Variants in CAST observed in about 807,000 individuals in gnomAD.
CAST encodes MIR583 host.
CAST carries 76 observed loss-of-function variants against 119.6 expected under a neutral mutation model. The observed-to-expected ratio is 0.64, with a 90% CI of 0.53 to 0.77. The LOEUF is 0.77. Ranked by LOEUF, CAST falls within the 30% of genes least tolerant of loss-of-function variation. The pLI, the probability that CAST is intolerant of heterozygous loss-of-function variation, is 0.00. For missense variants in CAST, 953 were observed against 946.5 expected (o/e 1.01, Z -0.09); for synonymous variants, 319 against 331.6 (o/e 0.96, Z 0.41).
chr5:96,205,508 T>C, the CAST span, among the ~76,000 whole-genome samples: 1 of 152,022 alleles, frequency 6.6e-6, no homozygotes, highest in South Asian at 2.1e-4. Flanking sequence ...CTTGTTCCCT[T>C]CTTTGTGTCT....
At chr5:95,992,144 T>G in the CAST span, among the ~76,000 whole-genome samples, 575 of 152,260 alleles carry the variant, frequency 3.8e-3, 5 homozygotes, top group African/African-American at 0.013. Context: ...ATATGGATCT[T>G]GACGAGAAAT....
chr5:96,224,417 G>C, the CAST span, among the ~76,000 whole-genome samples: 1 of 152,108 alleles, frequency 6.6e-6, no homozygotes, highest in African/African-American at 2.4e-5. Flanking sequence ...TAAGCATCTT[G>C]ACTTGGGGAG....
chr5:96,621,600 A>G (rs1461446286), intron 1 of CAST, among the ~76,000 whole-genome samples: 2 of 152,226 alleles, frequency 1.3e-5, no homozygotes, highest in African/African-American at 4.8e-5. Flanking sequence ...CAGTATCATG[A>G]GAACAGCATG....
intron 1 of CAST, among the ~76,000 whole-genome samples, chr5:96,561,121 A>G (rs1253442924): frequency 6.7e-6 from 1 of 148,344 alleles, no homozygotes; most frequent in Non-Finnish European, 1.5e-5. Flanking sequence ...CAAACACCAC[A>G]TGTTCTCACT....
chr5:96,069,655 C>CTTTTTT, the CAST span, among the ~76,000 whole-genome samples: 69 of 78,404 alleles, frequency 8.8e-4, no homozygotes, highest in East Asian at 2.8e-3. Context: ...GGTAATTAAA[C>CTTTTTT]TTTTTTTTTT....
rs1773070458 is a variant in CAST, at chr5:96,773,154, T to C, written c.*538T>C. On this transcript the variant is annotated 3_prime_UTR_variant, in exon 32 of 32. Coordinates refer to ENST00000675179, the MANE Select transcript of CAST (RefSeq NM_001750.7). ...ATGTTTATAAGTCAAACATAAGATA[T>C]TGTACATTGGGCACATATCTCCTCT... The C allele has an allele frequency of 6.5e-6, 1 of 153,870 alleles. No individual in the cohort carries two copies. Among genetic ancestry groups the C allele is most frequent in the Non-Finnish European group, 1.5e-5 (1 of 68,026 alleles). The allele number at this position is 153,870 out of a possible 1,614,324, so 9.5% of individuals were successfully genotyped here.
At chr5:96,133,325 T>TC in the CAST span, among the ~76,000 whole-genome samples, 577 of 152,000 alleles carry the variant, frequency 3.8e-3, 2 homozygotes, top group African/African-American at 5.5e-3. Flanking sequence ...ACATGAGTTT[T>TC]CCTAGAAATG....
At chr5:96,494,370 A>T in the CAST span, among the ~76,000 whole-genome samples, 1 of 152,198 alleles carries the variant, frequency 6.6e-6, no homozygotes, top group Non-Finnish European at 1.5e-5. Context: ...TTTCCTGTAA[A>T]TGATAGTAAA....
At chr5:96,692,242 G>A (rs541622848) in intron 2 of CAST, among the ~76,000 whole-genome samples, 3 of 152,230 alleles carry the variant, frequency 2.0e-5, no homozygotes, top group East Asian at 3.9e-4. Flanking sequence ...TGATGCTGAT[G>A]TTAAGGAGTA....
chr5:96,413,982 A>AG, the CAST span, among the ~76,000 whole-genome samples: 24 of 148,076 alleles, frequency 1.6e-4, no homozygotes, highest in Admixed American at 8.1e-4. Flanking sequence ...AAAAAAAAAA[A>AG]AAAAAAATTA....
chr5:95,964,604 T>C, the CAST span, among the ~76,000 whole-genome samples: 1 of 152,038 alleles, frequency 6.6e-6, no homozygotes. Context: ...CTCTTGAGGG[T>C]TGAGTAGATT....
chr5:96,670,070 C>G (rs1195865957), intron 1 of CAST, among the ~76,000 whole-genome samples: 1 of 152,150 alleles, frequency 6.6e-6, no homozygotes, highest in Admixed American at 6.5e-5. Flanking sequence ...AAGCCTTTCT[C>G]AGTGTGTGTG....
chr5:96,147,565 T>C, the CAST span, among the ~76,000 whole-genome samples: 1 of 152,034 alleles, frequency 6.6e-6, no homozygotes, highest in African/African-American at 2.4e-5. Flanking sequence ...ATCGCACCAC[T>C]GCACTCCAGC....
chr5:96,662,270 C>G, upstream of CAST: 8 of 955,316 alleles, frequency 8.4e-6, no homozygotes, highest in Non-Finnish European at 1.1e-5. Flanking sequence ...CCGGCGCAGA[C>G]CTGGGGTGGG....
chr5:96,578,423 T>G (rs763852315), intron 1 of CAST, among the ~76,000 whole-genome samples: 6 of 151,876 alleles, frequency 4.0e-5, no homozygotes, highest in Non-Finnish European at 7.4e-5. Context: ...GATTGGTATA[T>G]TTAGACAATG....
At chr5:96,652,078 G>A (rs1348095110) in intron 1 of CAST, among the ~76,000 whole-genome samples, 1 of 152,152 alleles carries the variant, frequency 6.6e-6, no homozygotes, top group Non-Finnish European at 1.5e-5. Flanking sequence ...CCACAACTGG[G>A]ATTCAAATCC....
chr5:96,068,336 G>C, the CAST span, among the ~76,000 whole-genome samples: 1 of 151,968 alleles, frequency 6.6e-6, no homozygotes, highest in Non-Finnish European at 1.5e-5. Context: ...GTCTTGTCTA[G>C]GAAAACGGAA....
chr5:96,131,087 T>C, the CAST span, among the ~76,000 whole-genome samples: 2 of 152,112 alleles, frequency 1.3e-5, no homozygotes, highest in African/African-American at 4.8e-5. Context: ...ATTGTAATGT[T>C]GTAAAACAAC....
chr5:96,014,386 TTA>T, the CAST span, among the ~76,000 whole-genome samples: 3 of 152,120 alleles, frequency 2.0e-5, no homozygotes, highest in African/African-American at 7.2e-5. Flanking sequence ...CTTTTTTTTA[TTA>T]TAAGTAGGAG....
Sources: allele counts gnomAD v4.1 joint callset (sites outside exome capture counted in the v4.1 genomes callset), GRCh38; gene constraint gnomAD v4.1.1; transcripts MANE v1.5; gene names NCBI Gene and HGNC (gene_info 2026-07-23, HGNC 2026-07-21).